The following MLIP variants were observed in gnomAD, a reference collection of about 807,000 sequenced individuals.
The protein encoded by MLIP is muscular LMNA-interacting protein.
A neutral mutation model predicts 84.8 loss-of-function variants in MLIP; 79 were observed. That is an observed-to-expected ratio of 0.93 (90% CI 0.78 to 1.12). MLIP has a LOEUF of 1.12. Ranked by LOEUF, MLIP falls within the 50% of genes most tolerant of loss-of-function variation. MLIP has a pLI of 0.00. For missense variants in MLIP, 1,257 were observed against 1,160.6 expected (o/e 1.08, Z -1.21); for synonymous variants, 504 against 463.0 (o/e 1.09, Z -1.14).
At chr6:54,038,588 T>C (rs1764575034) in intron 1 of MLIP, among the ~76,000 whole-genome samples, 1 of 149,488 alleles carries the variant, frequency 6.7e-6, no homozygotes, top group Non-Finnish European at 1.5e-5. Context: ...GGCTTTAAGA[T>C]TTTTTCTTTA....
At chr6:54,178,067 G>A (rs1019459905) in intron 9 of MLIP, among the ~76,000 whole-genome samples, 2 of 152,134 alleles carry the variant, frequency 1.3e-5, no homozygotes, top group African/African-American at 2.4e-5. Context: ...TAGGGAGAGG[G>A]AGAGCGTCAG....
chr6:54,032,949 A>T (rs1292104212), intron 1 of MLIP, among the ~76,000 whole-genome samples: 1 of 152,150 alleles, frequency 6.6e-6, no homozygotes, highest in African/African-American at 2.4e-5. Context: ...TTTTCTTATT[A>T]CTCAGATTGT....
chr6:54,112,438 G>A (rs183399430), intron 1 of MLIP, among the ~76,000 whole-genome samples: 66 of 152,274 alleles, frequency 4.3e-4, no homozygotes, highest in Non-Finnish European at 8.1e-4. Context: ...AAGGATGCTA[G>A]GTAAAGGTGG....
intron 3 of MLIP, among the ~76,000 whole-genome samples, chr6:54,127,060 T>C (rs1418269162): frequency 6.6e-6 from 1 of 152,146 alleles, no homozygotes; most frequent in Non-Finnish European, 1.5e-5. Context: ...ATTCCTCTGG[T>C]CAAATGCTTC....
At chr6:54,058,925 C>T (rs1765808853) in intron 1 of MLIP, 1 of 152,172 alleles carries the variant, frequency 6.6e-6, no homozygotes, top group South Asian at 2.1e-4. Context: ...GACTTACCTT[C>T]TACTTCCACT....
At chr6:54,027,947 G>A (rs1274319620) in intron 1 of MLIP, among the ~76,000 whole-genome samples, 1 of 152,126 alleles carries the variant, frequency 6.6e-6, no homozygotes, top group African/African-American at 2.4e-5. Flanking sequence ...TACTGTACGT[G>A]TGGCGAAATA....
rs948002669 is a variant in MLIP at position 54,153,047 on chromosome 6, A to C, written c.2289+3920A>C. Among the ~76,000 whole-genome samples the C allele has an allele frequency of 2.6e-5, 4 of 152,272 alleles. No homozygotes were observed. The South Asian group carries it at 8.3e-4, about 32-fold the overall frequency. On this transcript the variant is annotated intron_variant, in intron 5 of 13. Transcript: ENST00000502396. ...GCTGGGGCTAGGTACAATGTTCCTA[A>C]TAAATGGCATTACTCTTTGCCATTT... is the stretch of plus-strand genomic sequence containing the variant.
intron 1 of MLIP, among the ~76,000 whole-genome samples, chr6:54,115,757 G>A (rs1769860887): frequency 6.6e-6 from 1 of 152,044 alleles, no homozygotes; most frequent in Non-Finnish European, 1.5e-5. Flanking sequence ...ATTCAAAGCT[G>A]GAAGTTTTTA....
At chr6:54,019,723 T>C (rs10484651) in intron 1 of MLIP, among the ~76,000 whole-genome samples, 84,620 of 151,936 alleles carry the variant, frequency 0.56, 25,644 homozygotes, top group Non-Finnish European at 0.69. Context: ...TTTACTGTGG[T>C]TATAGAGTTA....
intron 1 of MLIP, among the ~76,000 whole-genome samples, chr6:54,075,936 A>G (rs1766777082): frequency 1.3e-5 from 2 of 152,226 alleles, no homozygotes; most frequent in African/African-American, 4.8e-5. Context: ...AGGGCATTGA[A>G]TATGTATGTT....
At chr6:54,105,155 G>A (rs1423029661) in intron 1 of MLIP, among the ~76,000 whole-genome samples, 1 of 152,104 alleles carries the variant, frequency 6.6e-6, no homozygotes, top group East Asian at 1.9e-4. Context: ...TGCTGCTTCT[G>A]ACCTAAGCAA....
chr6:54,215,305 T>C (rs1779779239), intron 11 of MLIP: 1 of 1,402,094 alleles, frequency 7.1e-7, no homozygotes, highest in Non-Finnish European at 9.2e-7. Flanking sequence ...GGCAAGAACA[T>C]GGGCTCTTGT....
At chr6:54,076,049 G>A (rs564287740) in intron 1 of MLIP, among the ~76,000 whole-genome samples, 1 of 152,300 alleles carries the variant, frequency 6.6e-6, no homozygotes, top group East Asian at 1.9e-4. Context: ...ATATTAGGGT[G>A]AATTATTTCA....
At chr6:54,227,651 A>C (rs929943932) in intron 11 of MLIP, among the ~76,000 whole-genome samples, 18 of 152,212 alleles carry the variant, frequency 1.2e-4, no homozygotes, top group African/African-American at 4.3e-4. Flanking sequence ...GGGCTTCTAA[A>C]CCACACTGGA....
chr6:54,199,060 GC>G (rs1258165472), intron 10 of MLIP, among the ~76,000 whole-genome samples: 4 of 152,058 alleles, frequency 2.6e-5, no homozygotes, highest in African/African-American at 7.2e-5. Flanking sequence ...GTTAGCAATG[GC>G]CAAAATCAAG....
intron 1 of MLIP, among the ~76,000 whole-genome samples, chr6:54,087,139 A>G (rs1459915461): frequency 6.6e-6 from 1 of 152,178 alleles, no homozygotes; most frequent in Non-Finnish European, 1.5e-5. Flanking sequence ...TGAACAAACG[A>G]TGAGTAAATG....
At chr6:54,200,313 TC>T (rs1192107028) in intron 10 of MLIP, among the ~76,000 whole-genome samples, 5 of 152,126 alleles carry the variant, frequency 3.3e-5, no homozygotes, top group Non-Finnish European at 7.4e-5. Flanking sequence ...AGATTTCTTC[TC>T]CCTGCTTTCA....
At chr6:54,059,022 C>T (rs1224732612) in intron 1 of MLIP, 3 of 152,182 alleles carry the variant, frequency 2.0e-5, no homozygotes, top group Non-Finnish European at 4.4e-5. Flanking sequence ...TTCTACAAGT[C>T]TATAAGGCAG....
chr6:54,095,283 A>G (rs1015769559), intron 1 of MLIP, among the ~76,000 whole-genome samples: 1 of 152,186 alleles, frequency 6.6e-6, no homozygotes, highest in Admixed American at 6.5e-5. Context: ...CATATTGGTC[A>G]CAATTCAGGT....
Sources: allele counts gnomAD v4.1 joint callset (sites outside exome capture counted in the v4.1 genomes callset), GRCh38; gene constraint gnomAD v4.1.1; transcripts MANE v1.5; gene names NCBI Gene and HGNC (gene_info 2026-07-23, HGNC 2026-07-21).